Variants in NRG3 observed in about 807,000 individuals in gnomAD.
NRG3 encodes the protein neuregulin 3.
In NRG3, 31 loss-of-function variants were observed where a neutral mutation model predicts 66.9. The ratio of observed to expected loss-of-function variants is 0.46; its 90% confidence interval spans 0.35 to 0.63. NRG3 has a LOEUF of 0.63. NRG3 is among the 20% of genes least tolerant of loss of function. NRG3 has a pLI of 0.00. For synonymous variants in NRG3, 393 were observed against 359.4 expected (o/e 1.09, Z -1.06); for missense variants, 910 against 878.9 (o/e 1.04, Z -0.45).
At chr10:82,833,231 T>C (rs1480045051) in intron 3 of NRG3, among the ~76,000 whole-genome samples, 1 of 152,178 alleles carries the variant, frequency 6.6e-6, no homozygotes, top group East Asian at 1.9e-4. Context: ...CCCATTCATG[T>C]CATCTGTTAA....
chr10:82,212,580 C>T (rs930870619), intron 1 of NRG3, among the ~76,000 whole-genome samples: 1 of 152,148 alleles, frequency 6.6e-6, no homozygotes, highest in Non-Finnish European at 1.5e-5. Flanking sequence ...TATTGCACGT[C>T]GCTGAGTACA....
intron 1 of NRG3, among the ~76,000 whole-genome samples, chr10:81,910,347 A>G (rs989255348): frequency 2.0e-5 from 3 of 152,200 alleles, no homozygotes; most frequent in Non-Finnish European, 4.4e-5. Context: ...AATCCCTTTG[A>G]CGGTGGGAAC....
chr10:82,664,737 A>G (rs2052628534), intron 2 of NRG3, among the ~76,000 whole-genome samples: 2 of 151,906 alleles, frequency 1.3e-5, no homozygotes, highest in Non-Finnish European at 2.9e-5. Flanking sequence ...GAGTATGAGC[A>G]ATAGTCTCTG....
intron 1 of NRG3, among the ~76,000 whole-genome samples, chr10:82,162,226 C>T (rs972268444): frequency 6.6e-6 from 1 of 152,126 alleles, no homozygotes; most frequent in African/African-American, 2.4e-5. Context: ...GGTTCAGGAG[C>T]TCAAACTTGA....
intron 2 of NRG3, among the ~76,000 whole-genome samples, chr10:82,644,600 A>G (rs1280987965): frequency 1.3e-5 from 2 of 152,186 alleles, no homozygotes; most frequent in Non-Finnish European, 2.9e-5. Context: ...AGATGCATTT[A>G]TAATTAGCAA....
chr10:82,886,047 G>A (rs1165627849), intron 4 of NRG3, among the ~76,000 whole-genome samples: 1 of 151,850 alleles, frequency 6.6e-6, no homozygotes, highest in South Asian at 2.1e-4. Flanking sequence ...AATTTTTTTA[G>A]TAGAGACAGA....
chr10:81,883,947 C>T (rs1363301728), intron 1 of NRG3, among the ~76,000 whole-genome samples: 3 of 152,260 alleles, frequency 2.0e-5, no homozygotes, highest in Admixed American at 1.3e-4. Context: ...GGAGGGTTAC[C>T]GTGTGCCTGG....
intron 1 of NRG3, among the ~76,000 whole-genome samples, chr10:81,911,486 G>A (rs1011805604): frequency 6.6e-6 from 1 of 151,842 alleles, no homozygotes; most frequent in African/African-American, 2.4e-5. Context: ...ATGCCCTCTC[G>A]ACAGTGTCAC....
At chr10:82,177,989 C>A (rs2073158458) in intron 1 of NRG3, among the ~76,000 whole-genome samples, 1 of 152,018 alleles carries the variant, frequency 6.6e-6, no homozygotes, top group South Asian at 2.1e-4. Flanking sequence ...CTGTGCCCAG[C>A]CCATGTAAAT....
At chr10:82,188,813 T>C (rs531360217) in intron 1 of NRG3, among the ~76,000 whole-genome samples, 36 of 151,880 alleles carry the variant, frequency 2.4e-4, no homozygotes, top group Non-Finnish European at 3.5e-4. Flanking sequence ...GAGGTGAGGG[T>C]GGTTAATGGG....
chr10:82,369,030 G>A lies in NRG3; in HGVS notation c.953+10162G>A, dbSNP rs1167018083. Among the ~76,000 whole-genome samples, 7 of 138,712 alleles carry A rather than the reference G, an allele frequency of 5.0e-5. 1 individual carries two copies. Among genetic ancestry groups the A allele is most frequent in the African/African-American group, 1.0e-4 (3 of 29,990 alleles). 91.0% of individuals were successfully genotyped at this position (138,712 alleles called of 152,430 possible). On this transcript the variant is annotated intron_variant, in intron 2 of 8. Transcript: ENST00000372141. ...TTCTTCCTCCAACCTAAGTTTCACA[G>A]CATCAGGCAGCACTTCTGGGTTCCT...
intron 4 of NRG3, among the ~76,000 whole-genome samples, chr10:82,923,083 C>T (rs1315021076): frequency 2.0e-5 from 3 of 152,190 alleles, no homozygotes; most frequent in Non-Finnish European, 2.9e-5. Context: ...CCTTCCAATC[C>T]ATTCTCCACA....
At chr10:82,956,705 T>G (rs1351873563) in intron 5 of NRG3, among the ~76,000 whole-genome samples, 1 of 151,946 alleles carries the variant, frequency 6.6e-6, no homozygotes, top group Non-Finnish European at 1.5e-5. Context: ...AGACATGCAC[T>G]CTTACTTTTT....
chr10:81,879,660 TG>T (rs1842001796), intron 1 of NRG3, among the ~76,000 whole-genome samples: 1 of 152,238 alleles, frequency 6.6e-6, no homozygotes, highest in East Asian at 1.9e-4. Flanking sequence ...AAATGTAGAA[TG>T]TACATTTGAT....
At chr10:82,927,166 G>A (rs1331102892) in intron 4 of NRG3, among the ~76,000 whole-genome samples, 1 of 152,160 alleles carries the variant, frequency 6.6e-6, no homozygotes, top group African/African-American at 2.4e-5. Context: ...TGCCGCAGAG[G>A]CCTTGTCTCC....
At chr10:82,272,704 T>C (rs1407714296) in intron 1 of NRG3, among the ~76,000 whole-genome samples, 3 of 152,224 alleles carry the variant, frequency 2.0e-5, no homozygotes, top group Admixed American at 2.0e-4. Flanking sequence ...TCCTGTTCTC[T>C]GACAATAATT....
chr10:82,810,737 T>TA (rs750726119), intron 3 of NRG3, among the ~76,000 whole-genome samples: 7,022 of 69,868 alleles, frequency 0.1, 257 homozygotes, highest in Middle Eastern at 0.24. Context: ...CACTCCAGCC[T>TA]AAAAAAAAAA....
chr10:82,306,291 A>G (rs879772239), intron 1 of NRG3, among the ~76,000 whole-genome samples: 9 of 152,204 alleles, frequency 5.9e-5, no homozygotes, highest in African/African-American at 1.2e-4. Flanking sequence ...ATATTGGTGT[A>G]TAATAGATCT....
intron 3 of NRG3, among the ~76,000 whole-genome samples, chr10:82,847,276 C>A (rs2063348921): frequency 6.6e-6 from 1 of 152,134 alleles, no homozygotes; most frequent in South Asian, 2.1e-4. Flanking sequence ...ACATGACCAC[C>A]CTACATGGTA....
Sources: allele counts gnomAD v4.1 joint callset (sites outside exome capture counted in the v4.1 genomes callset), GRCh38; gene constraint gnomAD v4.1.1; transcripts MANE v1.5; gene names NCBI Gene and HGNC (gene_info 2026-07-23, HGNC 2026-07-21).